The following GOPC variants were observed in gnomAD, a reference collection of about 807,000 sequenced individuals.
GOPC encodes the protein golgi associated PDZ and coiled-coil motif containing.
GOPC carries 32 observed loss-of-function variants against 51.2 expected under a neutral mutation model. The ratio of observed to expected loss-of-function variants is 0.63; its 90% confidence interval spans 0.47 to 0.84. The LOEUF (loss-of-function observed/expected upper bound fraction) is 0.84. Among genes scored for constraint, GOPC ranks in the 40% least tolerant of loss-of-function variants. The pLI is 0.00. For missense variants in GOPC, 441 were observed against 555.5 expected (o/e 0.79, Z 2.07); for synonymous variants, 190 against 205.1 (o/e 0.93, Z 0.63).
rs536298410 is a variant in GOPC, at chr6:117,576,147, TA to T, written c.475-796del. Among the ~76,000 whole-genome samples, 39 of 151,734 alleles carry T rather than the reference TA, an allele frequency of 2.6e-4. No homozygotes were observed. In the East Asian group the frequency reaches 3.5e-3, roughly 14 times the overall value. The stretch of plus-strand genomic sequence containing the variant: ...TACTAGTCAATAAATACGATAATCC[TA>T]AAAAAAATATATTTACATATACACA... On this transcript the variant is annotated intron_variant, in intron 3 of 8. Transcript: ENST00000368498.
intron 3 of GOPC, among the ~76,000 whole-genome samples, chr6:117,576,046 A>C (rs1454587272): frequency 6.6e-6 from 1 of 152,134 alleles, no homozygotes; most frequent in Non-Finnish European, 1.5e-5. Context: ...CAATTCATGG[A>C]ATATATTTTG....
intron 2 of GOPC, 88 bp from the exon 3 acceptor site, chr6:117,577,559 C>A: frequency 9.7e-7 from 1 of 1,028,960 alleles, no homozygotes; most frequent in Non-Finnish European, 1.4e-6. Context: ...AGGAAAAATC[C>A]CACATGTTGG....
rs1175464430 is a variant in GOPC, at chr6:117,583,253, C to A, written c.286-4189G>T. 4.6e-5 allele frequency among the ~76,000 whole-genome samples: 7 copies of A among 152,314 alleles called. No individual in the cohort carries two copies. The South Asian group carries it at 1.2e-3, about 27-fold the overall frequency. On this transcript the variant is annotated intron_variant, in intron 1 of 8. Coordinates refer to ENST00000368498, the MANE Select transcript of GOPC (RefSeq NM_020399.4). ...CCTGCCAGGAGTTGAGCAGGGTGGGCTGAGTAAACAGGGCACCCCTGTCGT... is the reference window on the plus strand; with the variant it reads ...CCTGCCAGGAGTTGAGCAGGGTGGGATGAGTAAACAGGGCACCCCTGTCGT...
chr6:117,596,815 T>C (rs959915091), intron 1 of GOPC, among the ~76,000 whole-genome samples: 3 of 152,228 alleles, frequency 2.0e-5, no homozygotes, highest in Non-Finnish European at 4.4e-5. Flanking sequence ...TAAAGTCAGG[T>C]AACCTAATGC....
At chr6:117,564,649 T>C (rs1045482636) in intron 8 of GOPC, among the ~76,000 whole-genome samples, 1 of 152,156 alleles carries the variant, frequency 6.6e-6, no homozygotes, top group African/African-American at 2.4e-5. Context: ...AAATTTTTAG[T>C]TGAGTCACAT....
At chr6:117,595,134 A>G (rs981638219) in intron 1 of GOPC, among the ~76,000 whole-genome samples, 1 of 152,204 alleles carries the variant, frequency 6.6e-6, no homozygotes, top group Non-Finnish European at 1.5e-5. Flanking sequence ...AAGTTGCTTG[A>G]TAAGAATTCT....
At chr6:117,569,134 T>A (rs553839238) in intron 7 of GOPC, among the ~76,000 whole-genome samples, 36 of 152,206 alleles carry the variant, frequency 2.4e-4, no homozygotes, top group Non-Finnish European at 5.0e-4. Flanking sequence ...CTAGATAGTT[T>A]CTATGTGTGA....
intron 1 of GOPC, among the ~76,000 whole-genome samples, chr6:117,591,563 G>GT (rs1414583529): frequency 6.6e-6 from 1 of 152,322 alleles, no homozygotes; most frequent in South Asian, 2.1e-4. Flanking sequence ...AGACAATGAC[G>GT]TAAGTGGAGT....
chr6:117,593,515 T>C (rs1780149629), intron 1 of GOPC, among the ~76,000 whole-genome samples: 1 of 152,228 alleles, frequency 6.6e-6, no homozygotes, highest in African/African-American at 2.4e-5. Context: ...TCACTCTTTC[T>C]GTCTGCTTCT....
intron 5 of GOPC, 34 bp downstream of exon 5, chr6:117,573,432 AG>A: frequency 6.3e-7 from 1 of 1,586,414 alleles, no homozygotes. Context: ...AAGAAAGAAG[AG>A]GCTGGGTGGG....
chr6:117,601,752 G>T (rs1772015584), intron 1 of GOPC, among the ~76,000 whole-genome samples: 2 of 152,160 alleles, frequency 1.3e-5, no homozygotes, highest in African/African-American at 4.8e-5. Context: ...ATGGAGGCTG[G>T]TGTATGTAAT....
chr6:117,595,425 G>A (rs1485629179), intron 1 of GOPC, among the ~76,000 whole-genome samples: 1 of 152,138 alleles, frequency 6.6e-6, no homozygotes, highest in Non-Finnish European at 1.5e-5. Context: ...GGTTTCTGGG[G>A]AACAGGTGGG....
intron 1 of GOPC, among the ~76,000 whole-genome samples, chr6:117,594,107 AT>A (rs1231512534): frequency 2.0e-5 from 3 of 152,076 alleles, no homozygotes; most frequent in Non-Finnish European, 2.9e-5. Flanking sequence ...AGCCCCAAAT[AT>A]TTTTGCATGG....
At position 117,570,843 on chromosome 6, in the gene GOPC, G is replaced by C; in HGVS notation, c.912+17C>G. The C allele has an allele frequency of 8.2e-7, 1 of 1,221,806 alleles. No homozygotes were observed. Among genetic ancestry groups the C allele is most frequent in the Non-Finnish European group, 1.2e-6 (1 of 852,944 alleles). 75.7% of individuals were successfully genotyped at this position (1,221,806 alleles called of 1,614,324 possible). A position where few individuals can be genotyped will look rare whatever the true frequency, so the allele number is the denominator to read the frequency against. On this transcript the variant is annotated intron_variant, in intron 6 of 8. Coordinates refer to ENST00000368498, the MANE Select transcript of GOPC (RefSeq NM_020399.4). ...TAGATAACTGTAGAAAATGATACTG[G>C]AAGTACTACTTCTTACTGTAATTGA...
intron 1 of GOPC, among the ~76,000 whole-genome samples, chr6:117,594,618 A>T (rs1780166387): frequency 6.6e-6 from 1 of 152,186 alleles, no homozygotes; most frequent in Non-Finnish European, 1.5e-5. Flanking sequence ...TCAATATTAA[A>T]CTTAAGCTTC....
chr6:117,577,645 T>C (rs564568384), intron 2 of GOPC, among the ~76,000 whole-genome samples, 174 bp from the exon 3 acceptor site: 2 of 152,214 alleles, frequency 1.3e-5, no homozygotes, highest in African/African-American at 4.8e-5. Context: ...TAGCATTAGA[T>C]TAAAACTTTT....
At chr6:117,585,802 C>T (rs1364511666) in intron 1 of GOPC, among the ~76,000 whole-genome samples, 2 of 152,132 alleles carry the variant, frequency 1.3e-5, no homozygotes, top group African/African-American at 4.8e-5. Context: ...TGTGAGCATA[C>T]ACAGGTATGA....
Position 117,575,352 on chromosome 6 carries a change from C to T in GOPC, c.475G>A (p.Glu159Lys). Residue 159 changes from glutamate to lysine, a missense_variant and splice_region_variant, in exon 4 of 9, where the codon GAA becomes AAA. Glu to Lys is a moderately conservative substitution (Grantham distance 56). Coordinates refer to ENST00000368498, the MANE Select transcript of GOPC (RefSeq NM_020399.4). ...TTTTTGTTTGCCTCAAGCTCTCTTT[C>T]CTATGTAATTTTTAAAAGCATATAA... is the stretch of plus-strand genomic sequence containing the variant. ...KLSGPSVEEL[E>K]RELEANKKEK... 6.3e-7 allele frequency: 1 copy of T among 1,590,118 alleles called. No homozygotes were observed. The highest frequency in any genetic ancestry group is 8.6e-7 in the Non-Finnish European group (1 of 1,168,170).
chr6:117,589,585 G>A, intron 1 of GOPC, among the ~76,000 whole-genome samples: 1 of 151,890 alleles, frequency 6.6e-6, no homozygotes, highest in East Asian at 1.9e-4. Flanking sequence ...TTCCCAAAGT[G>A]TTGGGATTAC....
Sources: allele counts gnomAD v4.1 joint callset (sites outside exome capture counted in the v4.1 genomes callset), GRCh38; gene constraint gnomAD v4.1.1; transcripts MANE v1.5; gene names NCBI Gene and HGNC (gene_info 2026-07-23, HGNC 2026-07-21).